QTMAN: variants seen among roughly 807,000 people sequenced by gnomAD.
QTMAN encodes queuosine-tRNA mannosyltransferase, also known as tRNA-queuosine alpha-mannosyltransferase.
the QTMAN span, among the ~76,000 whole-genome samples, chr2:143,996,701 C>A: frequency 1.1e-4 from 17 of 152,050 alleles, no homozygotes; most frequent in African/African-American, 4.1e-4. Context: ...ATATATGATA[C>A]TAACAGAGGT....
At chr2:144,293,116 T>C in the QTMAN span, among the ~76,000 whole-genome samples, 1 of 152,124 alleles carries the variant, frequency 6.6e-6, no homozygotes, top group African/African-American at 2.4e-5. Context: ...AATGACCAAA[T>C]AGTCGACTCT....
the QTMAN span, among the ~76,000 whole-genome samples, chr2:143,990,668 A>C: frequency 6.6e-6 from 1 of 152,170 alleles, no homozygotes; most frequent in Non-Finnish European, 1.5e-5. Context: ...CCCTCAGGAG[A>C]AATCCAGATA....
the QTMAN span, chr2:143,939,505 C>T: frequency 7.2e-5 from 11 of 152,282 alleles, no homozygotes; most frequent in Middle Eastern, 3.4e-3. Flanking sequence ...TCTTATTTCC[C>T]TTTTAGTCCT....
the QTMAN span, among the ~76,000 whole-genome samples, chr2:144,195,669 G>C: frequency 1.3e-5 from 2 of 151,984 alleles, no homozygotes; most frequent in Non-Finnish European, 2.9e-5. Context: ...TCTACTCCTA[G>C]TTCTAAATAC....
chr2:143,952,329 T>C, the QTMAN span, among the ~76,000 whole-genome samples: 2 of 151,622 alleles, frequency 1.3e-5, no homozygotes, highest in Non-Finnish European at 3.0e-5. Flanking sequence ...GCATATGTGA[T>C]ATACTTAGTG....
At chr2:144,043,098 CT>C in the QTMAN span, among the ~76,000 whole-genome samples, 1 of 152,236 alleles carries the variant, frequency 6.6e-6, no homozygotes, top group Non-Finnish European at 1.5e-5. Context: ...CTCACAACAC[CT>C]TTTTTTCCCC....
chr2:144,042,267 G>C, the QTMAN span, among the ~76,000 whole-genome samples: 8,431 of 152,198 alleles, frequency 0.055, 389 homozygotes, highest in African/African-American at 0.12. Context: ...AAAGAAGTGA[G>C]AGAAAGCAAG....
At chr2:144,040,409 A>G in the QTMAN span, among the ~76,000 whole-genome samples, 1 of 151,986 alleles carries the variant, frequency 6.6e-6, no homozygotes, top group Non-Finnish European at 1.5e-5. Context: ...ATCATCTTCT[A>G]AAAGAATAAA....
At chr2:144,009,705 A>T in the QTMAN span, among the ~76,000 whole-genome samples, 1 of 152,120 alleles carries the variant, frequency 6.6e-6, no homozygotes, top group Non-Finnish European at 1.5e-5. Context: ...TAAAATGGAA[A>T]GAAACCTGGG....
the QTMAN span, among the ~76,000 whole-genome samples, chr2:144,048,612 C>G: frequency 2.6e-5 from 4 of 152,082 alleles, no homozygotes; most frequent in Admixed American, 2.0e-4. Context: ...ACATCATGCT[C>G]CTATAAAATA....
chr2:144,220,476 TC>T, the QTMAN span, among the ~76,000 whole-genome samples: 9 of 152,214 alleles, frequency 5.9e-5, no homozygotes, highest in Non-Finnish European at 1.0e-4. Flanking sequence ...TATCTCTTTA[TC>T]AACTGGTTTT....
At chr2:144,005,083 T>C in the QTMAN span, among the ~76,000 whole-genome samples, 1 of 151,998 alleles carries the variant, frequency 6.6e-6, no homozygotes, top group Non-Finnish European at 1.5e-5. Context: ...AGAGCTGACA[T>C]GGCTCGCTTA....
the QTMAN span, among the ~76,000 whole-genome samples, chr2:144,284,264 A>T: frequency 6.6e-6 from 1 of 152,092 alleles, no homozygotes; most frequent in Admixed American, 6.5e-5. Context: ...CATGGAAAAA[A>T]ATCAAAATAA....
the QTMAN span, among the ~76,000 whole-genome samples, chr2:144,211,881 G>A: frequency 6.6e-6 from 1 of 152,188 alleles, no homozygotes; most frequent in Admixed American, 6.5e-5. Context: ...TACTACAGAT[G>A]TTCAGAAGAA....
At chr2:143,955,508 T>C in the QTMAN span, among the ~76,000 whole-genome samples, 1 of 152,122 alleles carries the variant, frequency 6.6e-6, no homozygotes, top group African/African-American at 2.4e-5. Context: ...AATAAACTAT[T>C]GAAAAAAATC....
chr2:144,309,456 G>A, the QTMAN span, among the ~76,000 whole-genome samples: 1 of 152,104 alleles, frequency 6.6e-6, no homozygotes, highest in South Asian at 2.1e-4. Flanking sequence ...ACAAACTAAT[G>A]ACACATACAA....
the QTMAN span, among the ~76,000 whole-genome samples, chr2:144,002,788 A>G: frequency 6.6e-6 from 1 of 151,928 alleles, no homozygotes; most frequent in South Asian, 2.1e-4. Flanking sequence ...AGGAACTCCT[A>G]CTTGTCAAGT....
At chr2:144,119,047 A>C in the QTMAN span, among the ~76,000 whole-genome samples, 19 of 152,306 alleles carry the variant, frequency 1.2e-4, no homozygotes, top group African/African-American at 3.8e-4. Context: ...ACACTAGGTA[A>C]GAATCTTAAT....
the QTMAN span, among the ~76,000 whole-genome samples, chr2:144,136,596 G>C: frequency 6.6e-6 from 1 of 151,998 alleles, no homozygotes. Context: ...ACTTCTGCTA[G>C]GCCTTGCCTT....
Sources: allele counts gnomAD v4.1 joint callset (sites outside exome capture counted in the v4.1 genomes callset), GRCh38; gene constraint gnomAD v4.1.1; transcripts MANE v1.5; gene names NCBI Gene and HGNC (gene_info 2026-07-23, HGNC 2026-07-21).